The following PABPC4L variants were observed in gnomAD, a reference collection of about 807,000 sequenced individuals.
PABPC4L encodes poly(A) binding protein cytoplasmic 4 like.
For missense variants in PABPC4L, 452 were observed against 451.4 expected, an observed-to-expected ratio of 1.00 and a Z score of -0.01; for synonymous variants, 169 against 164.1, an observed-to-expected ratio of 1.03 and a Z score of -0.23.
At chr4:134,104,928 G>A in the PABPC4L span, among the ~76,000 whole-genome samples, 14 of 151,662 alleles carry the variant, frequency 9.2e-5, no homozygotes, top group African/African-American at 2.2e-4. Context: ...ACACATTACC[G>A]GTGTGCTCTC....
chr4:134,092,705 C>T, the PABPC4L span, among the ~76,000 whole-genome samples: 1 of 151,988 alleles, frequency 6.6e-6, no homozygotes, highest in South Asian at 2.1e-4. Context: ...GCACTCACCC[C>T]AGCTCCTGCA....
At chr4:134,165,343 GA>G in the PABPC4L span, among the ~76,000 whole-genome samples, 2 of 152,162 alleles carry the variant, frequency 1.3e-5, no homozygotes, top group Non-Finnish European at 1.5e-5. Flanking sequence ...ATAGTAAAGA[GA>G]AAACCCACAG....
chr4:133,975,245 G>T, the PABPC4L span, among the ~76,000 whole-genome samples: 1 of 152,080 alleles, frequency 6.6e-6, no homozygotes, highest in African/African-American at 2.4e-5. Flanking sequence ...ATGAAAAGAT[G>T]CATATTGTGT....
At chr4:134,019,458 A>C in the PABPC4L span, among the ~76,000 whole-genome samples, 1 of 152,194 alleles carries the variant, frequency 6.6e-6, no homozygotes, top group African/African-American at 2.4e-5. Flanking sequence ...TCCATCAAAT[A>C]AGTTGGCTGC....
the PABPC4L span, among the ~76,000 whole-genome samples, chr4:134,161,523 T>C: frequency 6.6e-6 from 1 of 152,108 alleles, no homozygotes; most frequent in South Asian, 2.1e-4. Flanking sequence ...ATATTTGAAA[T>C]GGTGAAAGAA....
At chr4:134,183,581 T>G in the PABPC4L span, among the ~76,000 whole-genome samples, 10 of 151,700 alleles carry the variant, frequency 6.6e-5, no homozygotes, top group Non-Finnish European at 1.5e-4. Context: ...TACCTATATA[T>G]GTACCTATAC....
the PABPC4L span, among the ~76,000 whole-genome samples, chr4:134,188,818 G>A: frequency 8.6e-5 from 13 of 151,780 alleles, no homozygotes; most frequent in South Asian, 2.1e-4. Context: ...CAGTGCTCTC[G>A]GAGCTTCCAG....
the PABPC4L span, among the ~76,000 whole-genome samples, chr4:134,011,351 G>T: frequency 6.6e-6 from 1 of 151,906 alleles, no homozygotes; most frequent in Non-Finnish European, 1.5e-5. Flanking sequence ...GAAAGTAAAA[G>T]AATGAGGATG....
the PABPC4L span, among the ~76,000 whole-genome samples, chr4:134,118,195 C>T: frequency 6.6e-6 from 1 of 151,738 alleles, no homozygotes; most frequent in Non-Finnish European, 1.5e-5. Context: ...ACAGTCTGGC[C>T]TGTTATTCAT....
At chr4:134,054,509 T>C in the PABPC4L span, among the ~76,000 whole-genome samples, 9 of 151,666 alleles carry the variant, frequency 5.9e-5, no homozygotes, top group Non-Finnish European at 8.8e-5. Context: ...TACTGTTTTA[T>C]AGCCACATCT....
the PABPC4L span, among the ~76,000 whole-genome samples, chr4:134,103,266 G>T: frequency 6.6e-6 from 1 of 151,592 alleles, no homozygotes; most frequent in Non-Finnish European, 1.5e-5. Flanking sequence ...TGAAAATTAG[G>T]TTTTTCCCAA....
the PABPC4L span, among the ~76,000 whole-genome samples, chr4:134,016,789 G>C: frequency 6.6e-6 from 1 of 152,030 alleles, no homozygotes; most frequent in African/African-American, 2.4e-5. Flanking sequence ...TCCTCATGGA[G>C]ATCACTTCTC....
the PABPC4L span, among the ~76,000 whole-genome samples, chr4:134,172,196 C>A: frequency 6.6e-6 from 1 of 152,074 alleles, no homozygotes; most frequent in South Asian, 2.1e-4. Flanking sequence ...CCAAAAAAAA[C>A]TCACATAGCC....
chr4:134,046,617 A>G, the PABPC4L span, among the ~76,000 whole-genome samples: 1 of 152,122 alleles, frequency 6.6e-6, no homozygotes, highest in Non-Finnish European at 1.5e-5. Context: ...ATGAGGCCAT[A>G]TCTCAGGCTG....
At chr4:134,022,301 T>C in the PABPC4L span, among the ~76,000 whole-genome samples, 2 of 152,130 alleles carry the variant, frequency 1.3e-5, no homozygotes, top group South Asian at 2.1e-4. Flanking sequence ...TTAATTAGCA[T>C]ATTTCCCTAA....
the PABPC4L span, among the ~76,000 whole-genome samples, chr4:134,023,462 T>C: frequency 3.3e-5 from 5 of 152,116 alleles, no homozygotes; most frequent in African/African-American, 4.8e-5. Flanking sequence ...TGGAAAAGTA[T>C]TATAAAAGTG....
the PABPC4L span, among the ~76,000 whole-genome samples, chr4:134,080,346 A>C: frequency 6.6e-6 from 1 of 152,152 alleles, no homozygotes; most frequent in Non-Finnish European, 1.5e-5. Flanking sequence ...ACCCAGAGCA[A>C]TGTTTCTCTT....
chr4:134,119,560 T>C, the PABPC4L span, among the ~76,000 whole-genome samples: 95 of 151,868 alleles, frequency 6.3e-4, 2 homozygotes, highest in East Asian at 0.017. Context: ...TATGCCAGTG[T>C]ATTTTTTATG....
Position 134,197,610 on chromosome 4 carries a change from T to TA in PABPC4L, c.*2296dup. 6.6e-6 allele frequency: 1 copy of TA among 151,590 alleles called. No individual in the cohort carries two copies. Among genetic ancestry groups the TA allele is most frequent in the Non-Finnish European group, 1.5e-5 (1 of 67,560 alleles). The allele number at this position is 151,590 out of a possible 1,614,324, so 9.4% of individuals were successfully genotyped here. A position where few individuals can be genotyped will look rare whatever the true frequency, so the allele number is the denominator to read the frequency against. On this transcript the variant is annotated 3_prime_UTR_variant, in exon 2 of 2. Transcript: ENST00000421491. Reference sequence around the variant, plus strand: ...AAAGAAATCTAAAAATCCATGTAAATAAAAAACACCCCAACAGGAAAATAA... The same window carrying TA: ...AAAGAAATCTAAAAATCCATGTAAATAAAAAAACACCCCAACAGGAAAATAA...
Sources: allele counts gnomAD v4.1 joint callset (sites outside exome capture counted in the v4.1 genomes callset), GRCh38; gene constraint gnomAD v4.1.1; transcripts MANE v1.5; gene names NCBI Gene and HGNC (gene_info 2026-07-23, HGNC 2026-07-21).